ABHD5: variants seen among roughly 807,000 people sequenced by gnomAD.
ABHD5 encodes 1-acylglycerol-3-phosphate O-acyltransferase ABHD5.
ABHD5 carries 30 observed loss-of-function variants against 44.9 expected under a neutral mutation model. The observed-to-expected ratio is 0.67, with a 90% CI of 0.50 to 0.91. ABHD5 has a LOEUF of 0.91. ABHD5 is among the 40% of genes least tolerant of loss of function. The probability of loss-of-function intolerance (pLI) is 0.00; values close to 1 mark genes in which losing one functional copy is unlikely to be tolerated. For synonymous variants in ABHD5, 167 were observed against 147.0 expected (o/e 1.14, Z -0.99); for missense variants, 399 against 423.4 (o/e 0.94, Z 0.50).
At chr3:43,727,726 C>T (rs920377509) in intron 7 of ABHD5, among the ~76,000 whole-genome samples, 15 of 152,212 alleles carry the variant, frequency 9.9e-5, no homozygotes, top group Admixed American at 5.2e-4. Context: ...CTCCTGCTTC[C>T]GCCTCCCTAG....
chr3:43,707,642 C>G (rs978573623), intron 3 of ABHD5: 2 of 150,844 alleles, frequency 1.3e-5, no homozygotes, highest in East Asian at 1.9e-4. Context: ...CTTTTTTTTT[C>G]CCCCGAGACA....
chr3:43,691,275 C>T, intron 1 of ABHD5: 1 of 374,526 alleles, frequency 2.7e-6, no homozygotes, highest in South Asian at 1.3e-4. Flanking sequence ...CGGACTCCGG[C>T]CGCGCCGGGA....
At position 43,717,096 on chromosome 3, in the gene ABHD5, G is replaced by A. The variant is rs142317330; in HGVS notation, c.774-575G>A. 2.4e-3 allele frequency among the ~76,000 whole-genome samples: 366 copies of A among 152,092 alleles called. 1 individual carries two copies. Among genetic ancestry groups the A allele is most frequent in the African/African-American group, 8.5e-3 (353 of 41,494 alleles). Reference sequence around the variant, plus strand: ...TGAGGCAGGAGAATTGCTTGAACCCGGGAGGCAGAGGCTGCAGTGAGCTGA... The same window carrying A: ...TGAGGCAGGAGAATTGCTTGAACCCAGGAGGCAGAGGCTGCAGTGAGCTGA... On this transcript the variant is annotated intron_variant, in intron 5 of 6. Transcript: ENST00000644371.
intron 3 of ABHD5, among the ~76,000 whole-genome samples, chr3:43,709,742 G>T (rs1460802509): frequency 6.6e-6 from 1 of 151,984 alleles, no homozygotes; most frequent in South Asian, 2.1e-4. Context: ...CTTATTGTGG[G>T]CTATAATTAA....
downstream of ABHD5, among the ~76,000 whole-genome samples, chr3:43,725,796 A>C (rs941526032): frequency 2.0e-5 from 3 of 152,062 alleles, no homozygotes; most frequent in South Asian, 4.1e-4. Flanking sequence ...CACAATGACC[A>C]GGGTGGGAGA....
At chr3:43,710,949 A>C (rs955440768) in intron 3 of ABHD5, among the ~76,000 whole-genome samples, 1 of 152,216 alleles carries the variant, frequency 6.6e-6, no homozygotes, top group Non-Finnish European at 1.5e-5. Flanking sequence ...AAGATGGAAA[A>C]ATTAAAATGA....
chr3:43,702,112 A>G, intron 2 of ABHD5, 103 bp from the exon 3 acceptor site: 1 of 963,828 alleles, frequency 1.0e-6, no homozygotes, highest in East Asian at 2.5e-5. Flanking sequence ...TAAAATCATG[A>G]GATTGGATAC....
chr3:43,699,217 A>G (rs760225213), intron 1 of ABHD5, 59 bp from the exon 2 acceptor site: 94 of 1,407,232 alleles, frequency 6.7e-5, no homozygotes, highest in Admixed American at 1.2e-4. Flanking sequence ...GCATGTGACA[A>G]TTGGTAGTTG....
intron 7 of ABHD5, among the ~76,000 whole-genome samples, chr3:43,732,689 T>C (rs1697259093): frequency 6.6e-6 from 1 of 152,182 alleles, no homozygotes; most frequent in Admixed American, 6.5e-5. Context: ...ATTAGTGACT[T>C]ACCCAACACA....
downstream of ABHD5, among the ~76,000 whole-genome samples, chr3:43,723,324 A>G (rs1263161829): frequency 6.6e-6 from 1 of 152,220 alleles, no homozygotes. Flanking sequence ...GATAAGGGAA[A>G]GTTCTTCATG....
At chr3:43,697,773 A>C (rs2084491816) in intron 1 of ABHD5, among the ~76,000 whole-genome samples, 1 of 152,186 alleles carries the variant, frequency 6.6e-6, no homozygotes, top group Non-Finnish European at 1.5e-5. Flanking sequence ...GAAAATATAG[A>C]CTTATCCTGT....
chr3:43,692,349 A>T (rs1245189446), intron 1 of ABHD5, among the ~76,000 whole-genome samples: 1 of 152,210 alleles, frequency 6.6e-6, no homozygotes, highest in Admixed American at 6.5e-5. Flanking sequence ...CGCAAGTAGG[A>T]ACGTAATTGG....
intron 3 of ABHD5, among the ~76,000 whole-genome samples, chr3:43,707,060 A>G (rs945912078): frequency 6.6e-6 from 1 of 152,078 alleles, no homozygotes; most frequent in African/African-American, 2.4e-5. Flanking sequence ...AAGCTGATCA[A>G]TTTTTGCCAA....
intron 7 of ABHD5, among the ~76,000 whole-genome samples, chr3:43,730,499 C>CTTTTTT (rs68058215): frequency 8.7e-5 from 6 of 68,970 alleles, no homozygotes; most frequent in Non-Finnish European, 1.3e-4. Flanking sequence ...AAAATAATCC[C>CTTTTTT]TTTTTTTTTT....
intron 4 of ABHD5, among the ~76,000 whole-genome samples, chr3:43,713,855 T>C (rs1445444106): frequency 6.6e-6 from 1 of 151,994 alleles, no homozygotes. Flanking sequence ...CCTGCCATTA[T>C]TGCTTGCACT....
intron 3 of ABHD5, among the ~76,000 whole-genome samples, chr3:43,710,692 T>C (rs1365930603): frequency 6.6e-6 from 1 of 152,228 alleles, no homozygotes; most frequent in Non-Finnish European, 1.5e-5. Flanking sequence ...TCTGTGCCCA[T>C]GTTTTAGATT....
intron 7 of ABHD5, among the ~76,000 whole-genome samples, chr3:43,731,488 A>AT (rs773091371): frequency 6.6e-6 from 1 of 152,164 alleles, no homozygotes; most frequent in Non-Finnish European, 1.5e-5. Context: ...TGCATACATA[A>AT]TTTTGGGGGC....
chr3:43,716,309 G>A (rs1283755424), intron 5 of ABHD5, among the ~76,000 whole-genome samples: 1 of 152,088 alleles, frequency 6.6e-6, no homozygotes, highest in Non-Finnish European at 1.5e-5. Context: ...ACTAATATTA[G>A]CATTTCTGGG....
At chr3:43,709,288 C>T (rs2084658848) in intron 3 of ABHD5, among the ~76,000 whole-genome samples, 1 of 152,156 alleles carries the variant, frequency 6.6e-6, no homozygotes, top group Non-Finnish European at 1.5e-5. Context: ...AGGCACGGTT[C>T]ACTCCTTTTC....
Sources: gnomAD v4.1 joint callset for allele counts (sites outside exome capture counted in the v4.1 genomes callset) on GRCh38, gnomAD v4.1.1 for gene constraint, MANE v1.5 for transcripts, NCBI Gene and HGNC (gene_info 2026-07-23, HGNC 2026-07-21) for gene names.